Variants in PRKG1 observed in about 807,000 individuals in gnomAD.
PRKG1 encodes the protein cGMP-dependent protein kinase 1.
A neutral mutation model predicts 88.1 loss-of-function variants in PRKG1; 35 were observed. The ratio of observed to expected loss-of-function variants is 0.40; its 90% confidence interval spans 0.30 to 0.53. PRKG1 has a LOEUF of 0.53. Among genes scored for constraint, PRKG1 ranks in the 20% least tolerant of loss-of-function variants. The pLI is 0.59. For missense variants in PRKG1, 540 were observed against 839.8 expected, an observed-to-expected ratio of 0.64 and a Z score of 4.41; for synonymous variants, 303 against 292.5, an observed-to-expected ratio of 1.04 and a Z score of -0.37.
intron 3 of PRKG1, among the ~76,000 whole-genome samples, chr10:51,720,815 C>T (rs1416791500): frequency 1.3e-5 from 2 of 152,106 alleles, no homozygotes; most frequent in African/African-American, 4.8e-5. Flanking sequence ...TGGTTAATGA[C>T]TAGACCTCTC....
At chr10:51,735,002 A>T (rs1837227382) in intron 3 of PRKG1, among the ~76,000 whole-genome samples, 1 of 152,190 alleles carries the variant, frequency 6.6e-6, no homozygotes, top group Non-Finnish European at 1.5e-5. Flanking sequence ...GGAGATATTC[A>T]ATAAAAATCC....
chr10:51,765,209 A>AG (rs1371974390), intron 3 of PRKG1, among the ~76,000 whole-genome samples: 1 of 152,180 alleles, frequency 6.6e-6, no homozygotes, highest in African/African-American at 2.4e-5. Flanking sequence ...TGAATCACTG[A>AG]GGGAAAAAAG....
Position 51,525,219 on chromosome 10 carries a change from A to G in PRKG1, c.592+57383A>G, listed in dbSNP as rs553839372. Among the ~76,000 whole-genome samples the G allele has an allele frequency of 5.9e-5, 9 of 151,642 alleles. No homozygotes were observed. The South Asian group carries it at 1.9e-3, about 32-fold the overall frequency. On this transcript the variant is annotated intron_variant, in intron 3 of 17. Coordinates refer to ENST00000373980, the MANE Select transcript of PRKG1 (RefSeq NM_006258.4). Reference sequence around the variant, plus strand: ...GAGGAGGAAGAGAAGAAAGGGAAGGAAAGAAAAGAAGAAAGGGAAGGAAAG... The same window carrying G: ...GAGGAGGAAGAGAAGAAAGGGAAGGGAAGAAAAGAAGAAAGGGAAGGAAAG...
chr10:52,010,061 A>G lies in PRKG1; in HGVS notation c.763-44423A>G, dbSNP rs148956650. Among the ~76,000 whole-genome samples the G allele has an allele frequency of 5.7e-4, 87 of 152,334 alleles. 1 individual carries two copies. In the East Asian group the frequency reaches 0.014, roughly 25 times the overall value. Reference sequence around the variant, plus strand: ...AAAGTTAAATGTAAAACCTAAAACTATAAAACTCATGGAAGATAACCTAGG... The same window carrying G: ...AAAGTTAAATGTAAAACCTAAAACTGTAAAACTCATGGAAGATAACCTAGG... On this transcript the variant is annotated intron_variant, in intron 5 of 17. Coordinates refer to ENST00000373980, the MANE Select transcript of PRKG1 (RefSeq NM_006258.4).
chr10:51,057,106 A>G (rs10995520), intron 1 of PRKG1, among the ~76,000 whole-genome samples: 4,293 of 152,352 alleles, frequency 0.028, 80 homozygotes, highest in Non-Finnish European at 0.043. Flanking sequence ...AATATTTTTG[A>G]GATCTGGAAT....
chr10:51,967,203 G>T (rs1477180993), intron 5 of PRKG1, among the ~76,000 whole-genome samples: 1 of 152,070 alleles, frequency 6.6e-6, no homozygotes, highest in East Asian at 1.9e-4. Flanking sequence ...AATGTGGCAC[G>T]TATATACCAA....
intron 2 of PRKG1, among the ~76,000 whole-genome samples, chr10:51,432,917 A>G (rs1588952795): frequency 6.6e-6 from 1 of 152,182 alleles, no homozygotes; most frequent in Admixed American, 6.5e-5. Context: ...GTCTGAATAG[A>G]TAGAATAACC....
At chr10:51,464,764 G>A (rs1034392149) in intron 2 of PRKG1, among the ~76,000 whole-genome samples, 49 of 149,808 alleles carry the variant, frequency 3.3e-4, no homozygotes, top group Non-Finnish European at 6.7e-4. Flanking sequence ...AGTGGCGGGC[G>A]CCTGTAGTCC....
chr10:51,942,151 G>T (rs1043613712), intron 5 of PRKG1, among the ~76,000 whole-genome samples: 1 of 151,830 alleles, frequency 6.6e-6, no homozygotes, highest in African/African-American at 2.4e-5. Context: ...ATTCTAACTG[G>T]TGTGAGATGG....
intron 3 of PRKG1, among the ~76,000 whole-genome samples, chr10:51,474,276 T>C (rs1418387263): frequency 6.6e-6 from 1 of 151,992 alleles, no homozygotes; most frequent in Admixed American, 6.6e-5. Flanking sequence ...TATCACAAGC[T>C]TTTAAATTTT....
intron 2 of PRKG1, among the ~76,000 whole-genome samples, chr10:51,179,584 T>G (rs1343811386): frequency 6.6e-6 from 1 of 152,226 alleles, no homozygotes; most frequent in African/African-American, 2.4e-5. Flanking sequence ...TTTGATTTTA[T>G]TCAGCACGCT....
Position 51,512,041 on chromosome 10 carries a change from G to A in PRKG1, c.592+44205G>A, listed in dbSNP as rs1309086098. The stretch of plus-strand genomic sequence containing the variant: ...AGTCATAAAATAGTATATGTCATGT[G>A]ATTCCATTTATACAAAGTACCAACA... On this transcript the variant is annotated intron_variant, in intron 3 of 17. Coordinates refer to ENST00000373980, the MANE Select transcript of PRKG1 (RefSeq NM_006258.4). 2.6e-5 allele frequency among the ~76,000 whole-genome samples: 4 copies of A among 152,186 alleles called. No individual in the cohort carries two copies. In the East Asian group the frequency reaches 5.8e-4, roughly 22 times the overall value.
At chr10:51,064,452 T>TA (rs1344785823) in intron 1 of PRKG1, among the ~76,000 whole-genome samples, 2 of 152,124 alleles carry the variant, frequency 1.3e-5, no homozygotes, top group Admixed American at 6.5e-5. Flanking sequence ...ACATTGCAGT[T>TA]AAAAGCTTAA....
At chr10:51,071,771 C>T (rs1167703569), upstream of PRKG1, among the ~76,000 whole-genome samples, 3 of 152,140 alleles carry the variant, frequency 2.0e-5, no homozygotes, top group Non-Finnish European at 4.4e-5. Context: ...TACATGTAGA[C>T]AGACTTTCTA....
chr10:51,500,993 G>A (rs7913765), intron 3 of PRKG1, among the ~76,000 whole-genome samples: 11,786 of 152,098 alleles, frequency 0.077, 1,459 homozygotes, highest in African/African-American at 0.26. Flanking sequence ...AGTTCTGAGC[G>A]CTACGTTTCA....
At chr10:52,109,591 AC>A (rs771331206) in intron 7 of PRKG1, among the ~76,000 whole-genome samples, 1 of 152,006 alleles carries the variant, frequency 6.6e-6, no homozygotes, top group African/African-American at 2.4e-5. Flanking sequence ...ACATAGTGAC[AC>A]CCCATCCCTA....
chr10:51,174,805 A>G (rs1164793822), intron 2 of PRKG1, among the ~76,000 whole-genome samples: 3 of 152,010 alleles, frequency 2.0e-5, no homozygotes, highest in Non-Finnish European at 4.4e-5. Context: ...TTTGAAGTCA[A>G]TTCTGTTCAG....
At chr10:51,116,617 G>A (rs1184904307) in intron 1 of PRKG1, among the ~76,000 whole-genome samples, 1 of 152,170 alleles carries the variant, frequency 6.6e-6, no homozygotes, top group Non-Finnish European at 1.5e-5. Context: ...AATTCTTACA[G>A]GAATTGAATT....
At chr10:52,162,938 G>A (rs1443779615) in intron 9 of PRKG1, among the ~76,000 whole-genome samples, 1 of 152,090 alleles carries the variant, frequency 6.6e-6, no homozygotes, top group Non-Finnish European at 1.5e-5. Flanking sequence ...GTAACACCAG[G>A]CTCCATGCAG....
Sources: allele counts gnomAD v4.1 joint callset (sites outside exome capture counted in the v4.1 genomes callset), GRCh38; gene constraint gnomAD v4.1.1; transcripts MANE v1.5; gene names NCBI Gene and HGNC (gene_info 2026-07-23, HGNC 2026-07-21).